Variants in PTPRD observed in about 807,000 individuals in gnomAD.
The protein encoded by PTPRD is protein tyrosine phosphatase receptor type D.
A neutral mutation model predicts 214.5 loss-of-function variants in PTPRD; 34 were observed. That is an observed-to-expected ratio of 0.16 (90% CI 0.12 to 0.21). The LOEUF (loss-of-function observed/expected upper bound fraction) is 0.21. Ranked by LOEUF, PTPRD falls within the 10% of genes least tolerant of loss-of-function variation. The pLI is 1.00. For synonymous variants in PTPRD, 1,128 were observed against 845.7 expected, an observed-to-expected ratio of 1.33 and a Z score of -5.79; for missense variants, 2,545 against 2,398.7, an observed-to-expected ratio of 1.06 and a Z score of -1.27.
chr9:9,210,471 TC>T (rs2099947815), intron 9 of PTPRD, among the ~76,000 whole-genome samples: 1 of 152,242 alleles, frequency 6.6e-6, no homozygotes, highest in South Asian at 2.1e-4. Flanking sequence ...TAATGCCTAC[TC>T]CTTTGTTTTC....
chr9:9,378,806 ATCT>A (rs2061446383), intron 9 of PTPRD, among the ~76,000 whole-genome samples: 1 of 152,064 alleles, frequency 6.6e-6, no homozygotes, highest in Non-Finnish European at 1.5e-5. Flanking sequence ...CCATCTGTAT[ATCT>A]TCTTTGCTGA....
intron 8 of PTPRD, among the ~76,000 whole-genome samples, chr9:9,529,461 A>G (rs955267358): frequency 9.9e-5 from 15 of 152,154 alleles, no homozygotes; most frequent in African/African-American, 3.1e-4. Flanking sequence ...TTAACTAAAC[A>G]TGTTTTTAAA....
intron 3 of PTPRD, among the ~76,000 whole-genome samples, chr9:10,196,733 A>G (rs1416539029): frequency 6.6e-6 from 1 of 152,134 alleles, no homozygotes; most frequent in Admixed American, 6.6e-5. Context: ...ACAAACAAAC[A>G]TAGTGCAGTG....
At chr9:8,760,195 G>A (rs909219431) in intron 11 of PTPRD, among the ~76,000 whole-genome samples, 2 of 152,132 alleles carry the variant, frequency 1.3e-5, no homozygotes, top group Non-Finnish European at 2.9e-5. Flanking sequence ...CCTCCACCGC[G>A]CCTGGCCAGC....
At position 8,927,217 on chromosome 9, in the gene PTPRD, T is replaced by A. The variant is rs938638162; in HGVS notation, c.-104+91480A>T. ...GCTTCAACATTGACTGTTTTTCTCA[T>A]ATTTATTTATTTATTTTTATTATAC... On this transcript the variant is annotated intron_variant, in intron 11 of 45. Coordinates refer to ENST00000381196, the MANE Select transcript of PTPRD (RefSeq NM_002839.4). 3.3e-5 allele frequency among the ~76,000 whole-genome samples: 5 copies of A among 152,218 alleles called. No individual in the cohort carries two copies. The East Asian group carries it at 9.6e-4, about 29-fold the overall frequency.
chr9:10,299,121 A>C (rs2095785426), intron 3 of PTPRD, among the ~76,000 whole-genome samples: 1 of 152,176 alleles, frequency 6.6e-6, no homozygotes, highest in South Asian at 2.1e-4. Context: ...ACTATTTTAC[A>C]TTTGTAAATG....
At chr9:9,744,645 A>G (rs1025732313) in intron 6 of PTPRD, among the ~76,000 whole-genome samples, 1 of 152,100 alleles carries the variant, frequency 6.6e-6, no homozygotes, top group African/African-American at 2.4e-5. Flanking sequence ...TTTGTGAAAT[A>G]TACATATACA....
At chr9:9,726,733 C>T (rs1053487216) in intron 7 of PTPRD, among the ~76,000 whole-genome samples, 1 of 152,128 alleles carries the variant, frequency 6.6e-6, no homozygotes, top group African/African-American at 2.4e-5. Flanking sequence ...AGGCTTACAT[C>T]TTTCTTTGAC....
chr9:8,640,047 T>C lies in PTPRD; in HGVS notation c.65-3203A>G, dbSNP rs150601851. 3.3e-5 allele frequency among the ~76,000 whole-genome samples: 5 copies of C among 152,212 alleles called. No individual in the cohort carries two copies. In the South Asian group the frequency reaches 8.3e-4, roughly 25 times the overall value. ...CCAGGCTCAGTCAGTCCTCCCACCT[T>C]AGCATCCAGAGTGGCTGGGAGCACA... On this transcript the variant is annotated intron_variant, in intron 12 of 45. Coordinates refer to ENST00000381196, the MANE Select transcript of PTPRD (RefSeq NM_002839.4).
chr9:9,372,510 T>C (rs578190494), intron 9 of PTPRD, among the ~76,000 whole-genome samples: 3 of 152,270 alleles, frequency 2.0e-5, no homozygotes, highest in Non-Finnish European at 2.9e-5. Context: ...CGTGTGTCTC[T>C]GCACATGAGA....
intron 7 of PTPRD, among the ~76,000 whole-genome samples, chr9:9,624,715 A>G (rs967471450): frequency 7.9e-5 from 12 of 152,054 alleles, no homozygotes; most frequent in African/African-American, 2.9e-4. Context: ...AGTGGGATCG[A>G]TTTAATATTA....
intron 8 of PTPRD, among the ~76,000 whole-genome samples, chr9:9,427,904 T>G (rs1012482235): frequency 2.6e-5 from 4 of 152,138 alleles, no homozygotes; most frequent in African/African-American, 9.7e-5. Flanking sequence ...CAAGAGCTCC[T>G]GAAAGAAGCA....
intron 6 of PTPRD, among the ~76,000 whole-genome samples, chr9:9,756,212 C>T (rs2098574376): frequency 6.6e-6 from 1 of 152,028 alleles, no homozygotes; most frequent in South Asian, 2.1e-4. Flanking sequence ...AACTCTGAGT[C>T]TTCTGGAGCA....
At chr9:9,742,322 T>C (rs1369981165) in intron 6 of PTPRD, among the ~76,000 whole-genome samples, 1 of 152,168 alleles carries the variant, frequency 6.6e-6, no homozygotes, top group Non-Finnish European at 1.5e-5. Flanking sequence ...CAAGATGGAA[T>C]GTTCTTCAGC....
intron 11 of PTPRD, among the ~76,000 whole-genome samples, chr9:8,759,208 G>C (rs930742512): frequency 6.6e-6 from 1 of 151,850 alleles, no homozygotes; most frequent in African/African-American, 2.4e-5. Context: ...TTTTTGTAGA[G>C]ATAAGGTTTA....
Position 10,271,702 on chromosome 9 carries a change from C to T in PTPRD, c.-545+69261G>A, listed in dbSNP as rs145302998. On this transcript the variant is annotated intron_variant, in intron 3 of 45. Transcript: ENST00000381196. ...GCATTATCGGCGTCTGCCACCACAC[C>T]CGGCTAATTTTTGTGTTTTTAGTAG... Among the ~76,000 whole-genome samples, 626 of 151,816 alleles carry T rather than the reference C, an allele frequency of 4.1e-3. 7 individuals are homozygous for T. The highest frequency in any genetic ancestry group is 0.032 in the East Asian group (166 of 5,152).
chr9:9,015,895 T>C (rs4742559), intron 11 of PTPRD, among the ~76,000 whole-genome samples: 18,069 of 151,886 alleles, frequency 0.12, 1,370 homozygotes, highest in African/African-American at 0.21. Flanking sequence ...GGCACAAACT[T>C]TGTTGTTGTT....
intron 7 of PTPRD, among the ~76,000 whole-genome samples, chr9:9,669,146 G>T (rs556998518): frequency 6.6e-6 from 1 of 151,798 alleles, no homozygotes; most frequent in Non-Finnish European, 1.5e-5. Context: ...CCCATTACTG[G>T]GTATATACCC....
At chr9:9,030,714 C>A (rs914558505) in intron 10 of PTPRD, among the ~76,000 whole-genome samples, 3 of 151,652 alleles carry the variant, frequency 2.0e-5, no homozygotes, top group African/African-American at 7.3e-5. Flanking sequence ...TTCTGTAGGA[C>A]CTTTATTGTT....
Sources: allele counts gnomAD v4.1 joint callset (sites outside exome capture counted in the v4.1 genomes callset), GRCh38; gene constraint gnomAD v4.1.1; transcripts MANE v1.5; gene names NCBI Gene and HGNC (gene_info 2026-07-23, HGNC 2026-07-21).